The following RIPOR2 variants were observed in gnomAD, a reference collection of about 807,000 sequenced individuals.
RIPOR2 encodes RHO family interacting cell polarization regulator 2.
A neutral mutation model predicts 114.5 loss-of-function variants in RIPOR2; 39 were observed. The observed-to-expected ratio is 0.34, with a 90% CI of 0.26 to 0.44. The LOEUF (loss-of-function observed/expected upper bound fraction) is 0.44, where lower values mean the gene tolerates loss of function less well. Among genes scored for constraint, RIPOR2 ranks in the 20% least tolerant of loss-of-function variants. The probability of loss-of-function intolerance (pLI) is 1.00; values close to 1 mark genes in which losing one functional copy is unlikely to be tolerated. For synonymous variants in RIPOR2, 445 were observed against 484.4 expected, an observed-to-expected ratio of 0.92 and a Z score of 1.07; for missense variants, 1,007 against 1,255.1, an observed-to-expected ratio of 0.80 and a Z score of 2.99.
At chr6:24,897,150 T>C (rs1413644230) in intron 1 of RIPOR2, among the ~76,000 whole-genome samples, 1 of 152,152 alleles carries the variant, frequency 6.6e-6, no homozygotes, top group Non-Finnish European at 1.5e-5. Context: ...GCAATGAATG[T>C]GGGTGTTGAG....
intron 1 of RIPOR2, among the ~76,000 whole-genome samples, chr6:24,998,044 G>A (rs1052361840): frequency 7.2e-5 from 11 of 152,156 alleles, no homozygotes; most frequent in African/African-American, 2.7e-4. Flanking sequence ...CCTTGAAATT[G>A]AATAGGCGGT....
chr6:24,962,107 T>C (rs1384298177), intron 1 of RIPOR2, among the ~76,000 whole-genome samples: 1 of 152,158 alleles, frequency 6.6e-6, no homozygotes, highest in Non-Finnish European at 1.5e-5. Flanking sequence ...CTTTCAACCA[T>C]TGTGCTAACT....
At chr6:24,918,850 C>G (rs1488768009) in intron 1 of RIPOR2, among the ~76,000 whole-genome samples, 4 of 152,166 alleles carry the variant, frequency 2.6e-5, no homozygotes, top group African/African-American at 9.7e-5. Context: ...GCTCTGAATC[C>G]AGCTGCATGC....
chr6:24,842,979 A>G lies in RIPOR2; in HGVS notation c.1740T>C (p.Asp580=), dbSNP rs888183094. 6.4e-7 allele frequency: 1 copy of G among 1,565,312 alleles called. No homozygotes were observed. Among genetic ancestry groups the G allele is most frequent in the South Asian group, 1.2e-5 (1 of 83,946 alleles). Reference sequence around the variant, plus strand: ...CATTAAAAGCATCCTCTAAGCTTCCATCTAGAAAGGATCTGCAGCCTTCAG... The same window carrying G: ...CATTAAAAGCATCCTCTAAGCTTCCGTCTAGAAAGGATCTGCAGCCTTCAG... ...GESEGCRSFL[D]GSLEDAFNGL... is the part of the protein sequence containing the mutation. Residue 580 remains aspartate (D), a synonymous_variant, in exon 13 of 22, where the codon GAT becomes GAC. Coordinates refer to ENST00000643898, the MANE Select transcript of RIPOR2 (RefSeq NM_001286445.3).
At chr6:25,000,957 A>T (rs1244726793) in intron 1 of RIPOR2, among the ~76,000 whole-genome samples, 3 of 152,202 alleles carry the variant, frequency 2.0e-5, no homozygotes, top group Non-Finnish European at 4.4e-5. Context: ...GAGGAGGGCC[A>T]GTCAGTATGT....
At chr6:24,873,582 C>A in intron 3 of RIPOR2, 62 bp downstream of exon 3, 2 of 1,459,154 alleles carry the variant, frequency 1.4e-6, no homozygotes, top group Non-Finnish European at 1.9e-6. Flanking sequence ...TCTCATAAGA[C>A]CAGCTTTTCT....
At chr6:24,850,558 T>C in intron 10 of RIPOR2, 39 bp downstream of exon 10, 1 of 1,612,534 alleles carries the variant, frequency 6.2e-7, no homozygotes, top group Non-Finnish European at 8.5e-7. Context: ...CATCCAGCCG[T>C]GGCACCAGGA....
intron 1 of RIPOR2, among the ~76,000 whole-genome samples, chr6:24,885,259 G>A (rs1766720725): frequency 6.6e-6 from 1 of 152,090 alleles, no homozygotes; most frequent in African/African-American, 2.4e-5. Flanking sequence ...CTGTTGCCTA[G>A]GCTGGAGGGA....
At position 25,036,108 on chromosome 6, in the gene RIPOR2, C is replaced by T. The variant is rs963992614; in HGVS notation, c.76+5743G>A. 3.3e-5 allele frequency among the ~76,000 whole-genome samples: 5 copies of T among 152,176 alleles called. No homozygotes were observed. The East Asian group carries it at 9.6e-4, about 29-fold the overall frequency. The stretch of plus-strand genomic sequence containing the variant: ...TCAGACTGCTGCTTGACCAGGTCCC[C>T]TTGCCCAGTCACAATTAAGAATGCC... On this transcript the variant is annotated intron_variant, in intron 1 of 13. Coordinates refer to the RIPOR2 transcript ENST00000510784.
chr6:24,858,870 C>T lies in RIPOR2; in HGVS notation c.715+2103G>A, dbSNP rs896698162. Among the ~76,000 whole-genome samples the T allele has an allele frequency of 6.6e-6, 1 of 152,160 alleles. No individual in the cohort carries two copies. Among genetic ancestry groups the T allele is most frequent in the Non-Finnish European group, 1.5e-5 (1 of 68,012 alleles). Reference sequence around the variant, plus strand: ...GGCAGGGACTCCAGCATCATCTCCTCCCTGAACACCAAGCCTGAAGCTCCA... The same window carrying T: ...GGCAGGGACTCCAGCATCATCTCCTTCCTGAACACCAAGCCTGAAGCTCCA... On this transcript the variant is annotated intron_variant, in intron 8 of 21. Coordinates refer to ENST00000643898, the MANE Select transcript of RIPOR2 (RefSeq NM_001286445.3). The surrounding 1 kb of genome is among the most constrained non-coding windows in gnomAD (Gnocchi z 4.0).
At chr6:24,976,298 T>C (rs1443224589) in intron 1 of RIPOR2, 5 of 696,978 alleles carry the variant, frequency 7.2e-6, no homozygotes, top group African/African-American at 1.8e-5. Flanking sequence ...CCTTGAAATA[T>C]TGTGCAACCA....
intron 9 of RIPOR2, 49 bp downstream of exon 9, chr6:24,852,526 C>T (rs1463753829): frequency 3.6e-6 from 5 of 1,407,068 alleles, no homozygotes; most frequent in Admixed American, 1.7e-5. Context: ...CAACTGGCCC[C>T]TACCCTTCAG....
At chr6:25,041,795 C>T (rs1181991041) in intron 1 of RIPOR2, 12 of 685,876 alleles carry the variant, frequency 1.7e-5, no homozygotes, top group Non-Finnish European at 2.4e-5. Context: ...GAGTGTGTTG[C>T]GGGAAAGTGT....
intron 4 of RIPOR2, 81 bp downstream of exon 4, chr6:24,872,800 C>G (rs558111142): frequency 2.7e-5 from 25 of 911,264 alleles, no homozygotes; most frequent in South Asian, 2.1e-4. Flanking sequence ...CTCAAACATT[C>G]CTCCCCAGCC....
intron 9 of RIPOR2, among the ~76,000 whole-genome samples, chr6:24,852,084 A>G (rs1449582164): frequency 6.6e-6 from 1 of 151,810 alleles, no homozygotes; most frequent in East Asian, 1.9e-4. Context: ...ACATGGTGAA[A>G]CCCCATCTCT....
At chr6:24,874,089 G>A (rs1765478851) in intron 2 of RIPOR2, among the ~76,000 whole-genome samples, 1 of 152,036 alleles carries the variant, frequency 6.6e-6, no homozygotes, top group African/African-American at 2.4e-5. Flanking sequence ...AAAGTGCAGT[G>A]GTCCAATCAT....
rs1408032694 is a variant in RIPOR2, at chr6:24,804,871, T to C, written c.*1502A>G. ...CACTCTTTAGAGGAAGAAAAGATAT[T>C]TTAATAAGAGCTACTGAATGGTCTT... On this transcript the variant is annotated 3_prime_UTR_variant, in exon 22 of 22. Coordinates refer to ENST00000643898, the MANE Select transcript of RIPOR2 (RefSeq NM_001286445.3). 1 of 152,220 alleles carries C rather than the reference T, an allele frequency of 6.6e-6. No homozygotes were observed. Among genetic ancestry groups the C allele is most frequent in the Non-Finnish European group, 1.5e-5 (1 of 68,028 alleles). 9.4% of individuals were successfully genotyped at this position (152,220 alleles called of 1,614,324 possible).
At chr6:24,891,097 C>T (rs1164130935) in intron 1 of RIPOR2, among the ~76,000 whole-genome samples, 3 of 152,134 alleles carry the variant, frequency 2.0e-5, no homozygotes, top group African/African-American at 7.2e-5. Flanking sequence ...CAGAACAACC[C>T]AGTGTCAAAG....
chr6:25,032,439 C>A (rs886092183), intron 1 of RIPOR2, among the ~76,000 whole-genome samples: 2 of 152,176 alleles, frequency 1.3e-5, no homozygotes, highest in Non-Finnish European at 2.9e-5. Context: ...TCTGGTGCCT[C>A]AGAAACCAGG....
Sources: allele counts gnomAD v4.1 joint callset (sites outside exome capture counted in the v4.1 genomes callset), GRCh38; gene constraint gnomAD v4.1.1; non-coding constraint Gnocchi (gnomAD v3.1); transcripts MANE v1.5; gene names NCBI Gene and HGNC (gene_info 2026-07-23, HGNC 2026-07-21).